Variants in ZNF804B observed in about 807,000 individuals in gnomAD.
ZNF804B encodes zinc finger protein 804B, also known as zinc finger 804B.
Under a neutral mutation model 101.4 loss-of-function variants are expected in ZNF804B, and 80 were observed. The ratio of observed to expected loss-of-function variants is 0.79; its 90% CI spans 0.66 to 0.95. The LOEUF (loss-of-function observed/expected upper bound fraction) is 0.95, where lower values mean the gene tolerates loss of function less well. Ranked by LOEUF, ZNF804B falls within the 40% of genes least tolerant of loss-of-function variation. The pLI, the probability that ZNF804B is intolerant of heterozygous loss-of-function variation, is 0.00. For synonymous variants in ZNF804B, 622 were observed against 558.8 expected (o/e 1.11, Z -1.59); for missense variants, 1,673 against 1,561.9 (o/e 1.07, Z -1.20).
intron 1 of ZNF804B, among the ~76,000 whole-genome samples, chr7:88,805,289 T>C (rs1395645219): frequency 1.4e-4 from 22 of 152,210 alleles, no homozygotes. Context: ...GTAACAGCAA[T>C]ATTAATCCAA....
intron 2 of ZNF804B, among the ~76,000 whole-genome samples, chr7:89,271,345 T>C (rs1359214358): frequency 6.6e-6 from 1 of 152,130 alleles, no homozygotes; most frequent in East Asian, 1.9e-4. Flanking sequence ...TTGTCTTTGG[T>C]TCTGTTTATA....
intron 1 of ZNF804B, among the ~76,000 whole-genome samples, chr7:89,141,175 A>G (rs1790710488): frequency 6.6e-6 from 1 of 152,086 alleles, no homozygotes; most frequent in Admixed American, 6.6e-5. Flanking sequence ...TCCCAAAACA[A>G]TTACAATAGT....
intron 1 of ZNF804B, among the ~76,000 whole-genome samples, chr7:89,099,056 TATATA>T (rs1790012953): frequency 1.4e-5 from 2 of 147,676 alleles, no homozygotes; most frequent in Non-Finnish European, 3.0e-5. Flanking sequence ...ATATATATAT[TATATA>T]TGTACCTATT....
intron 1 of ZNF804B, among the ~76,000 whole-genome samples, chr7:88,956,689 G>A (rs1313659352): frequency 6.6e-6 from 1 of 150,836 alleles, no homozygotes; most frequent in African/African-American, 2.4e-5. Flanking sequence ...GATGGACCAA[G>A]GAACACAGAA....
intron 1 of ZNF804B, among the ~76,000 whole-genome samples, chr7:88,842,402 A>G (rs987811909): frequency 6.6e-6 from 1 of 152,200 alleles, no homozygotes; most frequent in South Asian, 2.1e-4. Context: ...CATAAATCAT[A>G]TCACAGTTAT....
At chr7:88,787,422 G>T (rs1447575392) in intron 1 of ZNF804B, among the ~76,000 whole-genome samples, 1 of 152,050 alleles carries the variant, frequency 6.6e-6, no homozygotes, top group Non-Finnish European at 1.5e-5. Flanking sequence ...CTTCTTTAAA[G>T]ATGTTCCTTC....
chr7:89,058,346 G>GA (rs1326859034), intron 1 of ZNF804B, among the ~76,000 whole-genome samples: 7 of 151,996 alleles, frequency 4.6e-5, no homozygotes, highest in Non-Finnish European at 1.0e-4. Context: ...TCATAAAACA[G>GA]AAAATTTAGC....
chr7:88,995,896 C>T (rs1788188812), intron 1 of ZNF804B, among the ~76,000 whole-genome samples: 1 of 151,992 alleles, frequency 6.6e-6, no homozygotes, highest in Non-Finnish European at 1.5e-5. Flanking sequence ...AAACATGAGA[C>T]AATTCTCAGT....
chr7:88,977,239 G>A (rs1793628427), intron 1 of ZNF804B, among the ~76,000 whole-genome samples: 1 of 150,942 alleles, frequency 6.6e-6, no homozygotes, highest in African/African-American at 2.4e-5. Flanking sequence ...TTGGTATCAG[G>A]GTAATACTGG....
intron 1 of ZNF804B, among the ~76,000 whole-genome samples, chr7:88,796,237 CAATG>C (rs963279418): frequency 2.6e-5 from 4 of 151,978 alleles, no homozygotes; most frequent in African/African-American, 9.7e-5. Flanking sequence ...CAATTTTTAA[CAATG>C]AAACCTAAGA....
At chr7:88,868,210 C>A (rs1791765687) in intron 1 of ZNF804B, among the ~76,000 whole-genome samples, 1 of 152,014 alleles carries the variant, frequency 6.6e-6, no homozygotes, top group African/African-American at 2.4e-5. Context: ...TTACTGATAG[C>A]CTGACTGTAC....
At chr7:89,329,479 C>T (rs1181134529) in intron 3 of ZNF804B, among the ~76,000 whole-genome samples, 1 of 151,710 alleles carries the variant, frequency 6.6e-6, no homozygotes, top group Non-Finnish European at 1.5e-5. Flanking sequence ...CCTTTTTCCT[C>T]ATAATGAGGG....
chr7:88,894,076 C>G (rs1445489469), intron 1 of ZNF804B, among the ~76,000 whole-genome samples: 1 of 152,036 alleles, frequency 6.6e-6, no homozygotes, highest in African/African-American at 2.4e-5. Context: ...TTCAAAAATA[C>G]TGTATATAAA....
intron 2 of ZNF804B, among the ~76,000 whole-genome samples, chr7:89,326,002 C>G (rs935022026): frequency 8.6e-5 from 13 of 151,896 alleles, no homozygotes; most frequent in Non-Finnish European, 1.2e-4. Context: ...ATTTTATAAG[C>G]CTTTCTTCCT....
At chr7:89,208,239 G>A (rs1448827466) in intron 1 of ZNF804B, among the ~76,000 whole-genome samples, 2 of 152,020 alleles carry the variant, frequency 1.3e-5, no homozygotes, top group South Asian at 2.1e-4. Context: ...CAGCCACCAC[G>A]CCTGGCTAAT....
intron 3 of ZNF804B, among the ~76,000 whole-genome samples, chr7:89,329,913 A>C (rs1790952438): frequency 6.6e-6 from 1 of 151,756 alleles, no homozygotes; most frequent in South Asian, 2.1e-4. Flanking sequence ...ATTTTAAAAA[A>C]TCATGTTGTT....
At chr7:88,861,962 G>T (rs536935571) in intron 1 of ZNF804B, among the ~76,000 whole-genome samples, 2 of 152,162 alleles carry the variant, frequency 1.3e-5, no homozygotes, top group South Asian at 4.1e-4. Flanking sequence ...TGTTGGGGCT[G>T]GGGGGACCCA....
Position 89,163,259 on chromosome 7 carries a change from G to A in ZNF804B, c.109-54896G>A, listed in dbSNP as rs1305741656. ...AAACCACGGATTTTGTACCTATTGT[G>A]TCCCTATGCCAACCACCAAAATAAG... is the stretch of plus-strand genomic sequence containing the variant. On this transcript the variant is annotated intron_variant, in intron 1 of 3. Coordinates refer to ENST00000333190, the MANE Select transcript of ZNF804B (RefSeq NM_181646.5). Among the ~76,000 whole-genome samples, 3 of 152,164 alleles carry A rather than the reference G, an allele frequency of 2.0e-5. No homozygotes were observed. In the East Asian group the frequency reaches 5.8e-4, roughly 29 times the overall value.
At chr7:89,332,583 C>G (rs967060964) in intron 3 of ZNF804B, among the ~76,000 whole-genome samples, 7 of 151,786 alleles carry the variant, frequency 4.6e-5, no homozygotes, top group Non-Finnish European at 7.4e-5. Flanking sequence ...TAATTTTAAT[C>G]TAAAGAATTT....
Sources: gnomAD v4.1 joint callset for allele counts (sites outside exome capture counted in the v4.1 genomes callset) on GRCh38, gnomAD v4.1.1 for gene constraint, MANE v1.5 for transcripts, NCBI Gene and HGNC (gene_info 2026-07-23, HGNC 2026-07-21) for gene names.